NRXN3: variants seen among roughly 807,000 people sequenced by gnomAD.
The protein encoded by NRXN3 is neurexin III.
A neutral mutation model predicts 137.6 loss-of-function variants in NRXN3; 32 were observed. The ratio of observed to expected loss-of-function variants is 0.23; its 90% CI spans 0.18 to 0.31. NRXN3 has a LOEUF of 0.31. Ranked by LOEUF, NRXN3 falls within the 10% of genes least tolerant of loss-of-function variation. The pLI is 1.00. For synonymous variants in NRXN3, 798 were observed against 784.5 expected, an observed-to-expected ratio of 1.02 and a Z score of -0.29; for missense variants, 1,574 against 2,062.5, an observed-to-expected ratio of 0.76 and a Z score of 4.59.
intron 4 of NRXN3, among the ~76,000 whole-genome samples, chr14:78,558,667 T>C (rs766927785): frequency 9.2e-5 from 14 of 152,210 alleles, no homozygotes; most frequent in Non-Finnish European, 1.6e-4. Flanking sequence ...ATCTGTTGGA[T>C]GCAGGGAAAG....
At chr14:78,725,913 T>A (rs1453069822) in intron 8 of NRXN3, among the ~76,000 whole-genome samples, 2 of 152,224 alleles carry the variant, frequency 1.3e-5, no homozygotes, top group Non-Finnish European at 2.9e-5. Context: ...ATAAGATATG[T>A]GCTATTTTCA....
intron 1 of NRXN3, among the ~76,000 whole-genome samples, chr14:78,184,218 G>A (rs10137975): frequency 0.81 from 123,382 of 151,778 alleles, 50,644 homozygotes; most frequent in Middle Eastern, 0.89. Context: ...GTTTTTAGAG[G>A]AGTTCATTCA....
At chr14:78,850,081 G>A (rs773581380) in intron 10 of NRXN3, among the ~76,000 whole-genome samples, 6 of 152,094 alleles carry the variant, frequency 3.9e-5, no homozygotes, top group Non-Finnish European at 7.4e-5. Flanking sequence ...TGCACGGCAG[G>A]TTATGTTAAT....
intron 4 of NRXN3, among the ~76,000 whole-genome samples, chr14:78,311,406 A>G (rs897186122): frequency 1.3e-5 from 2 of 152,200 alleles, no homozygotes; most frequent in African/African-American, 4.8e-5. Context: ...GCAAGAGGGA[A>G]TCATTAGTCT....
At chr14:79,843,647 A>T (rs1475491853) in intron 20 of NRXN3, among the ~76,000 whole-genome samples, 2 of 152,182 alleles carry the variant, frequency 1.3e-5, no homozygotes, top group African/African-American at 4.8e-5. Context: ...TAATATTTAA[A>T]TATTTTGTCA....
Position 79,249,577 on chromosome 14 carries a change from C to T in NRXN3, c.3263-217644C>T, listed in dbSNP as rs572188966. On this transcript the variant is annotated intron_variant, in intron 15 of 20. Transcript: ENST00000335750. The stretch of plus-strand genomic sequence containing the variant: ...TTGCAACCTTGTGAGAGAGGCAACT[C>T]GGTTATCACTTTGGTCCTAAATAAA... Among the ~76,000 whole-genome samples the T allele has an allele frequency of 1.4e-3, 213 of 152,256 alleles. 1 individual carries two copies. Among genetic ancestry groups the T allele is most frequent in the African/African-American group, 4.8e-3 (198 of 41,558 alleles).
intron 4 of NRXN3, among the ~76,000 whole-genome samples, chr14:78,525,485 C>T (rs1003256636): frequency 1.3e-5 from 2 of 152,128 alleles, no homozygotes; most frequent in Non-Finnish European, 2.9e-5. Flanking sequence ...CCTTCATTTA[C>T]CATAGATAAA....
chr14:78,666,992 T>C (rs1338578674), intron 6 of NRXN3, among the ~76,000 whole-genome samples: 1 of 152,204 alleles, frequency 6.6e-6, no homozygotes, highest in Non-Finnish European at 1.5e-5. Context: ...CTTTCTTCTA[T>C]AACTTGTTTA....
intron 10 of NRXN3, among the ~76,000 whole-genome samples, chr14:78,944,668 G>A (rs1386805389): frequency 6.6e-6 from 1 of 152,144 alleles, no homozygotes; most frequent in Non-Finnish European, 1.5e-5. Context: ...GAAACCCCCA[G>A]AAACTAGGAA....
chr14:78,533,823 G>A (rs1347299714), intron 4 of NRXN3, among the ~76,000 whole-genome samples: 1 of 152,138 alleles, frequency 6.6e-6, no homozygotes, highest in African/African-American at 2.4e-5. Flanking sequence ...CCATGCATAT[G>A]GCCACTATGG....
chr14:78,812,200 C>T lies in NRXN3; in HGVS notation c.2275+1856C>T, dbSNP rs187160697. On this transcript the variant is annotated intron_variant, in intron 10 of 20. Coordinates refer to ENST00000335750, the MANE Select transcript of NRXN3 (RefSeq NM_001330195.2). ...GTAGCTAATCCCTGCTCCTACCCAT[C>T]GTCCTAGGTAACTATTGGTGTGCTT... Among the ~76,000 whole-genome samples, 11 of 152,140 alleles carry T rather than the reference C, an allele frequency of 7.2e-5. No homozygotes were observed. The South Asian group carries it at 1.4e-3, about 20-fold the overall frequency.
At chr14:78,800,499 T>G (rs1008943920) in intron 8 of NRXN3, among the ~76,000 whole-genome samples, 7 of 152,242 alleles carry the variant, frequency 4.6e-5, no homozygotes, top group Admixed American at 2.0e-4. Flanking sequence ...GTTTCCAATC[T>G]AAGAAGAGAT....
At chr14:79,026,939 C>A (rs866041407) in intron 15 of NRXN3, among the ~76,000 whole-genome samples, 1 of 80,956 alleles carries the variant, frequency 1.2e-5, no homozygotes, top group African/African-American at 4.1e-5. Context: ...ATATATATAA[C>A]TATTATAATT....
At chr14:78,642,398 G>A (rs1163010386) in intron 4 of NRXN3, among the ~76,000 whole-genome samples, 3 of 152,166 alleles carry the variant, frequency 2.0e-5, no homozygotes, top group Non-Finnish European at 4.4e-5. Context: ...TAAGCACCAT[G>A]TAGCACATTA....
At chr14:79,852,111 C>A (rs1178365359) in intron 20 of NRXN3, among the ~76,000 whole-genome samples, 2 of 152,004 alleles carry the variant, frequency 1.3e-5, no homozygotes, top group Non-Finnish European at 2.9e-5. Context: ...CCCCTCTATG[C>A]CCGTAAAATA....
chr14:79,824,529 C>A (rs1476519852), intron 20 of NRXN3, among the ~76,000 whole-genome samples: 1 of 152,032 alleles, frequency 6.6e-6, no homozygotes. Context: ...CTCAGAAAAG[C>A]AATTTTGGAG....
chr14:78,797,915 T>G (rs892625607), intron 8 of NRXN3, among the ~76,000 whole-genome samples: 1 of 152,136 alleles, frequency 6.6e-6, no homozygotes, highest in Non-Finnish European at 1.5e-5. Flanking sequence ...GAGTAGAGTA[T>G]GGGGGAAACT....
At chr14:79,123,419 T>C (rs1311075827) in intron 15 of NRXN3, among the ~76,000 whole-genome samples, 1 of 152,100 alleles carries the variant, frequency 6.6e-6, no homozygotes, top group Non-Finnish European at 1.5e-5. Context: ...TAATAAAACA[T>C]CCATATAATA....
In NRXN3 at chr14:78,774,348, GC is replaced by G. The variant is rs576563099; in HGVS notation, c.2045-29269del. Among the ~76,000 whole-genome samples, 14 of 152,274 alleles carry G rather than the reference GC, an allele frequency of 9.2e-5. No individual in the cohort carries two copies. The East Asian group carries it at 2.5e-3, about 27-fold the overall frequency. ...GAATCTAATATCCCAAGATAAATGA[GC>G]CCAAGAATTTATTCAGACTATATTC... On this transcript the variant is annotated intron_variant, in intron 8 of 20. Coordinates refer to ENST00000335750, the MANE Select transcript of NRXN3 (RefSeq NM_001330195.2).
Sources: allele counts gnomAD v4.1 joint callset (sites outside exome capture counted in the v4.1 genomes callset), GRCh38; gene constraint gnomAD v4.1.1; transcripts MANE v1.5; gene names NCBI Gene and HGNC (gene_info 2026-07-23, HGNC 2026-07-21).